MLLT3: variants seen among roughly 807,000 people sequenced by gnomAD.
The protein encoded by MLLT3 is MLLT3 super elongation complex subunit.
In MLLT3, 4 loss-of-function variants were observed where a neutral mutation model predicts 53.2. The ratio of observed to expected loss-of-function variants is 0.08; its 90% CI spans 0.04 to 0.17. MLLT3 has a LOEUF of 0.17. Ranked by LOEUF, MLLT3 falls within the 10% of genes least tolerant of loss-of-function variation. MLLT3 has a pLI of 1.00. For synonymous variants in MLLT3, 283 were observed against 230.6 expected (o/e 1.23, Z -2.06); for missense variants, 569 against 684.0 (o/e 0.83, Z 1.87).
chr9:20,570,204 T>C (rs1223932093), intron 2 of MLLT3, among the ~76,000 whole-genome samples: 2 of 73,328 alleles, frequency 2.7e-5, no homozygotes, highest in Non-Finnish European at 5.4e-5. Context: ...CAGGATATTA[T>C]ATTGTAAGGG....
At chr9:20,514,939 A>ATTTTTTTTTTTTTTTTTTTTTTTT (rs35816235) in intron 2 of MLLT3, among the ~76,000 whole-genome samples, 1 of 88,734 alleles carries the variant, frequency 1.1e-5, no homozygotes. Context: ...TGAAGGAACA[A>ATTTTTTTTTTTTTTTTTTTTTTTT]TTTTTTTTTT....
At chr9:20,526,425 T>A (rs763495523) in intron 2 of MLLT3, among the ~76,000 whole-genome samples, 2 of 152,182 alleles carry the variant, frequency 1.3e-5, no homozygotes, top group Non-Finnish European at 2.9e-5. Context: ...AACAGAAGCA[T>A]AGAATACACA....
rs1052065762 is a variant in MLLT3, at chr9:20,595,411, G to A, written c.193+25243C>T. Among the ~76,000 whole-genome samples, 6 of 151,756 alleles carry A rather than the reference G, an allele frequency of 4.0e-5. No individual in the cohort carries two copies. The East Asian group carries it at 1.2e-3, about 29-fold the overall frequency. ...AAAATAAAAATTACTGGAAAAATAAGGTTATATTACTTTATAATTTATATT... is the reference window on the plus strand; with the variant it reads ...AAAATAAAAATTACTGGAAAAATAAAGTTATATTACTTTATAATTTATATT... On this transcript the variant is annotated intron_variant, in intron 2 of 10. Coordinates refer to ENST00000380338, the MANE Select transcript of MLLT3 (RefSeq NM_004529.4).
At chr9:20,455,275 T>C (rs1396887327) in intron 3 of MLLT3, among the ~76,000 whole-genome samples, 3 of 152,208 alleles carry the variant, frequency 2.0e-5, no homozygotes, top group East Asian at 3.9e-4. Flanking sequence ...ATTAGGAGCA[T>C]AGCCAATGGA....
chr9:20,409,389 C>T (rs919781337), intron 5 of MLLT3, among the ~76,000 whole-genome samples: 45 of 152,158 alleles, frequency 3.0e-4, no homozygotes, highest in African/African-American at 1.1e-3. Context: ...ACAGGAATTA[C>T]AGAAGAGGTG....
At chr9:20,352,314 A>G (rs1394166398) in intron 10 of MLLT3, among the ~76,000 whole-genome samples, 2 of 152,198 alleles carry the variant, frequency 1.3e-5, no homozygotes, top group Non-Finnish European at 2.9e-5. Context: ...AGTGGTTCAG[A>G]GCTGGTGTTT....
At chr9:20,576,054 G>T (rs1394345991) in intron 2 of MLLT3, among the ~76,000 whole-genome samples, 2 of 152,134 alleles carry the variant, frequency 1.3e-5, no homozygotes, top group Admixed American at 6.5e-5. Context: ...AGATCTTCTG[G>T]ATAATTTGCT....
At chr9:20,542,867 C>G (rs1485450424) in intron 2 of MLLT3, among the ~76,000 whole-genome samples, 2 of 152,206 alleles carry the variant, frequency 1.3e-5, no homozygotes, top group African/African-American at 4.8e-5. Context: ...GTGTAGCCAC[C>G]TTTCTCAATG....
At chr9:20,573,569 C>T (rs1170717615) in intron 2 of MLLT3, among the ~76,000 whole-genome samples, 1 of 151,964 alleles carries the variant, frequency 6.6e-6, no homozygotes, top group African/African-American at 2.4e-5. Context: ...AAAGAAAATG[C>T]AAATAAAGTT....
chr9:20,505,566 G>T (rs979216642), intron 2 of MLLT3, among the ~76,000 whole-genome samples: 1 of 152,146 alleles, frequency 6.6e-6, no homozygotes, highest in Non-Finnish European at 1.5e-5. Flanking sequence ...AATTCGAAGA[G>T]GTTAGCCTAT....
intron 2 of MLLT3, among the ~76,000 whole-genome samples, chr9:20,603,046 A>G (rs1220291150): frequency 1.3e-5 from 2 of 152,140 alleles, no homozygotes; most frequent in Admixed American, 6.6e-5. Flanking sequence ...TATACATAAA[A>G]TAAAGACTAC....
At chr9:20,465,060 G>A (rs970239542) in intron 2 of MLLT3, among the ~76,000 whole-genome samples, 3 of 151,810 alleles carry the variant, frequency 2.0e-5, no homozygotes, top group African/African-American at 7.3e-5. Flanking sequence ...TCTGTCCCTT[G>A]AAATTTCAGA....
chr9:20,592,032 C>T (rs762357363), intron 2 of MLLT3, among the ~76,000 whole-genome samples: 44 of 151,826 alleles, frequency 2.9e-4, no homozygotes, highest in African/African-American at 4.1e-4. Flanking sequence ...ATTAGTGAGC[C>T]GCCAACCTAT....
intron 2 of MLLT3, among the ~76,000 whole-genome samples, chr9:20,483,018 C>A (rs1225682272): frequency 1.3e-5 from 2 of 151,866 alleles, no homozygotes; most frequent in Admixed American, 6.6e-5. Flanking sequence ...ATGCTAAGAA[C>A]TGAACTGACA....
chr9:20,503,297 C>T (rs1448804195), intron 2 of MLLT3, among the ~76,000 whole-genome samples: 1 of 152,112 alleles, frequency 6.6e-6, no homozygotes, highest in Non-Finnish European at 1.5e-5. Context: ...TCAAAGTATA[C>T]TACCAAGCTA....
chr9:20,419,574 T>C (rs949487816), intron 4 of MLLT3, among the ~76,000 whole-genome samples: 4 of 149,824 alleles, frequency 2.7e-5, no homozygotes, highest in Admixed American at 2.6e-4. Flanking sequence ...CCAGAAAGAA[T>C]AATTACTTAA....
At chr9:20,402,694 T>C (rs1471845976) in intron 5 of MLLT3, among the ~76,000 whole-genome samples, 4 of 152,180 alleles carry the variant, frequency 2.6e-5, no homozygotes, top group African/African-American at 7.2e-5. Flanking sequence ...CAAGTCATGA[T>C]TATTCTGGTT....
intron 7 of MLLT3, among the ~76,000 whole-genome samples, chr9:20,361,457 A>G (rs375443983): frequency 1.3e-5 from 2 of 152,336 alleles, no homozygotes; most frequent in East Asian, 3.9e-4. Context: ...CTAAGGATTG[A>G]ACATGTGGAG....
chr9:20,530,381 T>G (rs1312282289), intron 2 of MLLT3, among the ~76,000 whole-genome samples: 1 of 152,198 alleles, frequency 6.6e-6, no homozygotes, highest in Non-Finnish European at 1.5e-5. Context: ...CATACGTATT[T>G]TATTCACATA....
Sources: allele counts gnomAD v4.1 joint callset (sites outside exome capture counted in the v4.1 genomes callset), GRCh38; gene constraint gnomAD v4.1.1; transcripts MANE v1.5; gene names NCBI Gene and HGNC (gene_info 2026-07-23, HGNC 2026-07-21).